The following CEP128 variants were observed in gnomAD, a reference collection of about 807,000 sequenced individuals.
CEP128 encodes centrosomal protein 128, also known as centrosomal protein 128kDa.
Under a neutral mutation model 156.7 loss-of-function variants are expected in CEP128, and 132 were observed. The observed-to-expected ratio is 0.84, with a 90% CI of 0.73 to 0.97. The LOEUF is 0.97. Among genes scored for constraint, CEP128 ranks in the 50% least tolerant of loss-of-function variants. CEP128 has a pLI of 0.00. For missense variants in CEP128, 1,252 were observed against 1,281.9 expected (o/e 0.98, Z 0.36); for synonymous variants, 469 against 448.9 (o/e 1.04, Z -0.57).
intron 16 of CEP128, among the ~76,000 whole-genome samples, chr14:80,764,330 C>T (rs1395123315): frequency 6.6e-6 from 1 of 151,320 alleles, no homozygotes; most frequent in Non-Finnish European, 1.5e-5. Context: ...AACCCCGTCT[C>T]TACTAAAAAT....
chr14:80,853,649 C>T (rs1055524304), intron 9 of CEP128, among the ~76,000 whole-genome samples: 2 of 151,922 alleles, frequency 1.3e-5, no homozygotes, highest in Non-Finnish European at 2.9e-5. Context: ...AAGACCTTCT[C>T]TTTAAATTAG....
At chr14:80,541,458 AAAAAAAAC>A (rs1224374596) in intron 21 of CEP128, among the ~76,000 whole-genome samples, 30 of 150,526 alleles carry the variant, frequency 2.0e-4, no homozygotes, top group African/African-American at 7.1e-4. Flanking sequence ...AAAAAAAAAA[AAAAAAAAC>A]CAGGAAAAAA....
chr14:80,668,876 T>C (rs1309733003), intron 19 of CEP128, among the ~76,000 whole-genome samples: 1 of 152,168 alleles, frequency 6.6e-6, no homozygotes, highest in African/African-American at 2.4e-5. Flanking sequence ...TCTCACAAGA[T>C]GATGGTTTTA....
At chr14:80,542,764 T>A (rs1276168013) in intron 21 of CEP128, among the ~76,000 whole-genome samples, 1 of 152,110 alleles carries the variant, frequency 6.6e-6, no homozygotes, top group Admixed American at 6.6e-5. Context: ...CACCCTCAAG[T>A]AGGTAATCAC....
chr14:80,743,176 AGTT>A lies in CEP128; in HGVS notation c.2702_2704del (p.Gln901del), dbSNP rs776241671. The A allele has an allele frequency of 1.1e-5, 17 of 1,613,642 alleles. No individual in the cohort carries two copies. The South Asian group carries it at 1.6e-4, about 16-fold the overall frequency. The stretch of plus-strand genomic sequence containing the variant: ...TTCCTTGTTTTCAGTCAAATTCCTG[AGTT>A]GTTGTCTGCAGAGCATCAGCTGGTG... On this transcript the variant is annotated inframe_deletion, in exon 19 of 25. Transcript: ENST00000555265.
At chr14:80,652,004 A>T (rs1279736373) in intron 19 of CEP128, among the ~76,000 whole-genome samples, 1 of 151,918 alleles carries the variant, frequency 6.6e-6, no homozygotes, top group Non-Finnish European at 1.5e-5. Context: ...TCTAATATTG[A>T]CAGTGGGGTG....
In CEP128 at chr14:80,786,207, A is replaced by G. The variant is rs554840302; in HGVS notation, c.1561-662T>C. Reference sequence around the variant, plus strand: ...CTATGCCAGCCTCTCTAAGATTTACATGGAAGGACAGAGGCCAAGGGTTAA... The same window carrying G: ...CTATGCCAGCCTCTCTAAGATTTACGTGGAAGGACAGAGGCCAAGGGTTAA... On this transcript the variant is annotated intron_variant, in intron 14 of 24. Coordinates refer to ENST00000555265, the MANE Select transcript of CEP128 (RefSeq NM_152446.5). Among the ~76,000 whole-genome samples the G allele has an allele frequency of 2.0e-5, 3 of 152,284 alleles. No homozygotes were observed. The South Asian group carries it at 6.2e-4, about 32-fold the overall frequency.
At chr14:80,508,585 G>C (rs1029482480) in intron 23 of CEP128, among the ~76,000 whole-genome samples, 1 of 151,852 alleles carries the variant, frequency 6.6e-6, no homozygotes, top group African/African-American at 2.4e-5. Context: ...ATAATCATTT[G>C]ATAAACATCT....
intron 23 of CEP128, among the ~76,000 whole-genome samples, chr14:80,513,653 A>G (rs1281162348): frequency 6.6e-6 from 1 of 152,068 alleles, no homozygotes; most frequent in African/African-American, 2.4e-5. Context: ...ATCTTGCCCA[A>G]ATTCCTGTCT....
At chr14:80,855,468 T>C (rs1010789995) in intron 9 of CEP128, among the ~76,000 whole-genome samples, 1 of 152,208 alleles carries the variant, frequency 6.6e-6, no homozygotes, top group South Asian at 2.1e-4. Flanking sequence ...TAATGGGCAT[T>C]TATAACATCT....
At chr14:80,730,386 T>C (rs936658737) in intron 19 of CEP128, among the ~76,000 whole-genome samples, 24 of 152,308 alleles carry the variant, frequency 1.6e-4, no homozygotes, top group African/African-American at 5.8e-4. Flanking sequence ...TTAACTTATA[T>C]TGGGTCATTC....
intron 19 of CEP128, among the ~76,000 whole-genome samples, chr14:80,584,771 C>T (rs1891745203): frequency 6.6e-6 from 1 of 152,094 alleles, no homozygotes; most frequent in Admixed American, 6.5e-5. Flanking sequence ...TTATAATGAA[C>T]AATCTTGTTG....
At chr14:80,612,205 TG>T (rs1893021268) in intron 19 of CEP128, among the ~76,000 whole-genome samples, 1 of 152,234 alleles carries the variant, frequency 6.6e-6, no homozygotes, top group Non-Finnish European at 1.5e-5. Context: ...GGTGTTTTTT[TG>T]TCAAATATTC....
At chr14:80,914,645 A>T (rs551596212) in intron 3 of CEP128, among the ~76,000 whole-genome samples, 52 of 152,326 alleles carry the variant, frequency 3.4e-4, no homozygotes, top group African/African-American at 1.3e-3. Context: ...GTAAATCCGT[A>T]TTCAAGATTC....
At chr14:80,834,731 T>G (rs1297912030) in intron 12 of CEP128, among the ~76,000 whole-genome samples, 1 of 152,218 alleles carries the variant, frequency 6.6e-6, no homozygotes, top group Non-Finnish European at 1.5e-5. Flanking sequence ...TTCCAACAAT[T>G]CCTGTGTGCA....
intron 16 of CEP128, among the ~76,000 whole-genome samples, chr14:80,761,852 A>G (rs1899988167): frequency 1.3e-5 from 2 of 152,150 alleles, no homozygotes; most frequent in Non-Finnish European, 2.9e-5. Context: ...CAAAATTATA[A>G]TAAGTCCCTA....
intron 13 of CEP128, among the ~76,000 whole-genome samples, chr14:80,817,190 C>T (rs1347409641): frequency 1.3e-5 from 2 of 152,148 alleles, no homozygotes. Flanking sequence ...ATAGGTTTCA[C>T]TGAACTATTC....
chr14:80,615,128 G>C (rs1385500179), intron 19 of CEP128, among the ~76,000 whole-genome samples: 1 of 152,136 alleles, frequency 6.6e-6, no homozygotes, highest in Non-Finnish European at 1.5e-5. Flanking sequence ...TCAGTGCTAT[G>C]ACCCAAAAAC....
In CEP128 at chr14:80,651,326, G is replaced by A. The variant is rs1275925902; in HGVS notation, c.2807-70903C>T. 2.0e-5 allele frequency among the ~76,000 whole-genome samples: 3 copies of A among 151,952 alleles called. No individual in the cohort carries two copies. In the South Asian group the frequency reaches 6.2e-4, roughly 32 times the overall value. ...CTCTCTTTTCTTCTTTATTAATCTG[G>A]CTAGCAGTCTATCAATTTTGGTGAT... On this transcript the variant is annotated intron_variant, in intron 19 of 24. Coordinates refer to ENST00000555265, the MANE Select transcript of CEP128 (RefSeq NM_152446.5).
Sources: allele counts gnomAD v4.1 joint callset (sites outside exome capture counted in the v4.1 genomes callset), GRCh38; gene constraint gnomAD v4.1.1; transcripts MANE v1.5; gene names NCBI Gene and HGNC (gene_info 2026-07-23, HGNC 2026-07-21).